Variants in DOCK3 observed in about 807,000 individuals in gnomAD.
The protein encoded by DOCK3 is dedicator of cytokinesis protein 3.
A neutral mutation model predicts 265.6 loss-of-function variants in DOCK3; 60 were observed. The ratio of observed to expected loss-of-function variants is 0.23; its 90% confidence interval spans 0.18 to 0.28. The LOEUF (loss-of-function observed/expected upper bound fraction) is 0.28. Among genes scored for constraint, DOCK3 ranks in the 10% least tolerant of loss-of-function variants. The pLI is 1.00. For synonymous variants in DOCK3, 881 were observed against 938.0 expected (o/e 0.94, Z 1.11); for missense variants, 1,981 against 2,594.3 (o/e 0.76, Z 5.14).
At chr3:50,917,675 A>G (rs1282130212) in intron 4 of DOCK3, among the ~76,000 whole-genome samples, 2 of 151,816 alleles carry the variant, frequency 1.3e-5, no homozygotes, top group South Asian at 2.1e-4. Flanking sequence ...TATTCTTAAT[A>G]TTGTTTGTTT....
At chr3:51,140,487 T>C (rs2085002341) in intron 9 of DOCK3, among the ~76,000 whole-genome samples, 1 of 152,212 alleles carries the variant, frequency 6.6e-6, no homozygotes, top group Non-Finnish European at 1.5e-5. Context: ...TCTACCACAT[T>C]TTATTTATCC....
chr3:50,759,128 T>G (rs768115819), intron 1 of DOCK3, among the ~76,000 whole-genome samples: 1 of 152,214 alleles, frequency 6.6e-6, no homozygotes, highest in Non-Finnish European at 1.5e-5. Flanking sequence ...AGAAGTGGAA[T>G]GGCTGGATCA....
intron 1 of DOCK3, among the ~76,000 whole-genome samples, chr3:50,688,131 A>G (rs1345678978): frequency 2.6e-5 from 4 of 152,236 alleles, no homozygotes; most frequent in Non-Finnish European, 5.9e-5. Flanking sequence ...AGCAGCAGGC[A>G]GGATCAACTC....
chr3:51,309,769 A>G (rs560051876), intron 27 of DOCK3, among the ~76,000 whole-genome samples: 153 of 152,352 alleles, frequency 1.0e-3, no homozygotes, highest in Non-Finnish European at 1.7e-3. Flanking sequence ...GCTTTCATGG[A>G]CAAGCAGATT....
intron 5 of DOCK3, among the ~76,000 whole-genome samples, chr3:50,957,473 A>G (rs1477568433): frequency 3.9e-5 from 6 of 152,188 alleles, no homozygotes; most frequent in African/African-American, 1.4e-4. Flanking sequence ...TTACTCTGAA[A>G]GTTATTCTGC....
chr3:51,280,246 A>C, intron 27 of DOCK3, 42 bp downstream of exon 27: 1 of 1,576,186 alleles, frequency 6.3e-7, no homozygotes, highest in African/African-American at 1.3e-5. Flanking sequence ...GGAAGTGTGC[A>C]GCCAGCACTC....
intron 3 of DOCK3, among the ~76,000 whole-genome samples, chr3:50,854,786 TC>T (rs2046510389): frequency 6.6e-6 from 1 of 151,806 alleles, no homozygotes; most frequent in Non-Finnish European, 1.5e-5. Context: ...AAGTTGTTAA[TC>T]CGTGTTGAGT....
At chr3:50,890,391 A>G (rs1490927336) in intron 4 of DOCK3, among the ~76,000 whole-genome samples, 1 of 152,076 alleles carries the variant, frequency 6.6e-6, no homozygotes, top group Non-Finnish European at 1.5e-5. Context: ...AAAGATAAAT[A>G]TGTCATTTTG....
intron 5 of DOCK3, among the ~76,000 whole-genome samples, chr3:50,958,819 G>C (rs1417760703): frequency 6.6e-6 from 1 of 151,934 alleles, no homozygotes; most frequent in African/African-American, 2.4e-5. Context: ...ACTTCAGTGA[G>C]CCCCCCCAAA....
chr3:51,062,860 ATGGC>A (rs1292716450), intron 5 of DOCK3, among the ~76,000 whole-genome samples: 1 of 152,204 alleles, frequency 6.6e-6, no homozygotes, highest in East Asian at 1.9e-4. Context: ...CATTGCCTTT[ATGGC>A]TTAATCGTCA....
At chr3:50,994,825 A>G (rs1026267619) in intron 5 of DOCK3, among the ~76,000 whole-genome samples, 1 of 152,192 alleles carries the variant, frequency 6.6e-6, no homozygotes, top group South Asian at 2.1e-4. Context: ...TAAGATATAT[A>G]AAGAGCACAT....
intron 3 of DOCK3, 28 bp downstream of exon 3, chr3:50,841,743 C>CTTTTTCTTTTTTTTTTT: frequency 8.3e-6 from 4 of 483,404 alleles, no homozygotes; most frequent in South Asian, 4.8e-5. Flanking sequence ...GTTACCTTTT[C>CTTTTTCTTTTTTTTTTT]TAATGTAGGA....
intron 6 of DOCK3, among the ~76,000 whole-genome samples, chr3:51,068,859 A>C (rs1313686196): frequency 6.6e-6 from 1 of 152,194 alleles, no homozygotes; most frequent in Non-Finnish European, 1.5e-5. Flanking sequence ...TGTATATCTG[A>C]GTAATATTCA....
intron 1 of DOCK3, among the ~76,000 whole-genome samples, chr3:50,698,516 G>GGTTTT (rs2035790214): frequency 8.1e-5 from 1 of 12,410 alleles, no homozygotes; most frequent in African/African-American, 2.0e-4. Context: ...GTATGTTTTT[G>GGTTTT]GTTTTTTTTT....
At chr3:51,024,019 A>G (rs1251973540) in intron 5 of DOCK3, among the ~76,000 whole-genome samples, 2 of 151,896 alleles carry the variant, frequency 1.3e-5, no homozygotes, top group East Asian at 3.9e-4. Context: ...ATTGTTACTG[A>G]ATTTATTTTT....
chr3:50,976,526 G>T, intron 5 of DOCK3, among the ~76,000 whole-genome samples: 1 of 113,416 alleles, frequency 8.8e-6, no homozygotes, highest in South Asian at 3.5e-4. Context: ...TATAATTTCT[G>T]TTCTTTTACA....
intron 1 of DOCK3, among the ~76,000 whole-genome samples, chr3:50,682,516 C>T (rs2034485686): frequency 6.6e-6 from 1 of 152,168 alleles, no homozygotes; most frequent in Non-Finnish European, 1.5e-5. Context: ...TTTCTCCAAC[C>T]AGATATATTT....
At chr3:51,239,934 C>T (rs1231557235) in intron 21 of DOCK3, among the ~76,000 whole-genome samples, 5 of 151,976 alleles carry the variant, frequency 3.3e-5, no homozygotes, top group African/African-American at 9.7e-5. Context: ...TTTTTTGTGT[C>T]TCAATCTCCT....
At chr3:51,156,853 A>T (rs2085874254) in intron 10 of DOCK3, among the ~76,000 whole-genome samples, 1 of 152,160 alleles carries the variant, frequency 6.6e-6, no homozygotes, top group African/African-American at 2.4e-5. Context: ...GATAGTTTGG[A>T]TGTACACAAT....
Sources: gnomAD v4.1 joint callset for allele counts (sites outside exome capture counted in the v4.1 genomes callset) on GRCh38, gnomAD v4.1.1 for gene constraint, MANE v1.5 for transcripts, NCBI Gene and HGNC (gene_info 2026-07-23, HGNC 2026-07-21) for gene names.